The following PRRX2 variants were observed in gnomAD, a reference collection of about 807,000 sequenced individuals.
PRRX2 encodes the protein paired mesoderm homeobox protein 2.
In PRRX2, 11 loss-of-function variants were observed where a neutral mutation model predicts 18.0. That is an observed-to-expected ratio of 0.61 (90% CI 0.39 to 1.01). The LOEUF is 1.01. Among genes scored for constraint, PRRX2 ranks in the 50% least tolerant of loss-of-function variants. The probability of loss-of-function intolerance (pLI) is 0.01; values close to 1 mark genes in which losing one functional copy is unlikely to be tolerated. For missense variants in PRRX2, 387 were observed against 351.0 expected, an observed-to-expected ratio of 1.10 and a Z score of -0.82; for synonymous variants, 177 against 154.8, an observed-to-expected ratio of 1.14 and a Z score of -1.06.
intron 1 of PRRX2, among the ~76,000 whole-genome samples, chr9:129,711,128 C>T (rs939210716): frequency 7.9e-5 from 12 of 152,170 alleles, no homozygotes; most frequent in Non-Finnish European, 2.9e-5. Context: ...CCCAGAATCC[C>T]AGCACCACGA....
chr9:129,702,870 G>C (rs1432213846), intron 1 of PRRX2, among the ~76,000 whole-genome samples: 3 of 152,250 alleles, frequency 2.0e-5, no homozygotes, highest in Admixed American at 6.5e-5. Context: ...TGTGGCAAGG[G>C]GGGCGGGGCA....
At chr9:129,687,574 C>T (rs1160054825) in intron 1 of PRRX2, among the ~76,000 whole-genome samples, 1 of 152,244 alleles carries the variant, frequency 6.6e-6, no homozygotes, top group Non-Finnish European at 1.5e-5. Flanking sequence ...AAGGCTGTGT[C>T]AACAGTGGCG....
At chr9:129,670,412 T>C (rs543074071) in intron 1 of PRRX2, among the ~76,000 whole-genome samples, 1 of 152,314 alleles carries the variant, frequency 6.6e-6, no homozygotes, top group Non-Finnish European at 1.5e-5. Flanking sequence ...TCTTGCTCCA[T>C]TGACCGGGTT....
intron 1 of PRRX2, among the ~76,000 whole-genome samples, chr9:129,674,465 A>C (rs1420827417): frequency 6.6e-6 from 1 of 152,120 alleles, no homozygotes; most frequent in Non-Finnish European, 1.5e-5. Flanking sequence ...TGGAGCAGCC[A>C]AGGAGCTGAG....
chr9:129,722,317 A>G lies in PRRX2; in HGVS notation c.727A>G (p.Ser243Gly). The G allele has an allele frequency of 6.2e-7, 1 of 1,614,026 alleles. No homozygotes were observed. Among genetic ancestry groups the G allele is most frequent in the Non-Finnish European group, 8.5e-7 (1 of 1,180,002 alleles). Residue 243 changes from serine (S) to glycine (G), a missense_variant, in exon 4 of 4, where the codon AGC becomes GGC. Physicochemically the swap from Ser to Gly is moderately conservative, Grantham distance 56 (BLOSUM62 0). Transcript: ENST00000372469. ...ASLRLKAKEF[S>G]LHHSQVPTVN ...CCTCCGTCTCAAGGCCAAGGAGTTC[A>G]GCCTGCACCACAGCCAGGTGCCTAC... is the stretch of plus-strand genomic sequence containing the variant.
rs373267908 is a variant in PRRX2, at chr9:129,714,100, C to T, written c.260-5131C>T. Reference sequence around the variant, plus strand: ...GGTGGATCACCTGAGGTCAGGAGTTCGAGACCAGCCTGGCCAACATGGTGA... The same window carrying T: ...GGTGGATCACCTGAGGTCAGGAGTTTGAGACCAGCCTGGCCAACATGGTGA... On this transcript the variant is annotated intron_variant, in intron 1 of 3. Transcript: ENST00000372469. Among the ~76,000 whole-genome samples, 33 of 151,016 alleles carry T rather than the reference C, an allele frequency of 2.2e-4. 1 individual carries two copies. In the East Asian group the frequency reaches 3.8e-3, roughly 17 times the overall value.
At position 129,719,425 on chromosome 9, in the gene PRRX2, G is replaced by A. The variant is rs921851508; in HGVS notation, c.447+7G>A. On this transcript the variant is annotated splice_region_variant and intron_variant, in intron 2 of 3. Coordinates refer to ENST00000372469, the MANE Select transcript of PRRX2 (RefSeq NM_016307.4). ...CAGCGAGGCGCGCGTTCAGGTGAGC[G>A]CTCAGTCCCGGGCCTCCCGTGGGAG... 1 of 1,517,632 alleles carries A rather than the reference G, an allele frequency of 6.6e-7. No homozygotes were observed. Among genetic ancestry groups the A allele is most frequent in the Non-Finnish European group, 8.8e-7 (1 of 1,131,320 alleles). 94.0% of individuals were successfully genotyped at this position (1,517,632 alleles called of 1,614,324 possible). A position where few individuals can be genotyped will look rare whatever the true frequency, so the allele number is the denominator to read the frequency against.
intron 1 of PRRX2, among the ~76,000 whole-genome samples, chr9:129,682,443 C>T (rs1832244994): frequency 6.6e-6 from 1 of 152,122 alleles, no homozygotes; most frequent in South Asian, 2.1e-4. Flanking sequence ...CAAGGACGCT[C>T]ATCTCCCTAG....
intron 1 of PRRX2, among the ~76,000 whole-genome samples, chr9:129,716,153 T>TC (rs1016671081): frequency 3.3e-5 from 5 of 152,304 alleles, no homozygotes; most frequent in African/African-American, 1.2e-4. Flanking sequence ...CATCTAGCAT[T>TC]CACTCATTGG....
chr9:129,675,321 G>C lies in PRRX2; in HGVS notation c.259+9195G>C, dbSNP rs190497286. On this transcript the variant is annotated intron_variant, in intron 1 of 3. Transcript: ENST00000372469. This position sits in a 1 kb window ranked among gnomAD's most constrained non-coding sequence, Gnocchi z 4.4. ...CTGAGTACCAGCCCAAGGCAGCCCA[G>C]GGGCGTGGAATGCAGGGGTGATGTG... is the stretch of plus-strand genomic sequence containing the variant. Among the ~76,000 whole-genome samples the C allele has an allele frequency of 6.0e-4, 92 of 152,318 alleles. 1 individual carries two copies. Among genetic ancestry groups the C allele is most frequent in the African/African-American group, 2.0e-3 (84 of 41,574 alleles).
intron 1 of PRRX2, among the ~76,000 whole-genome samples, chr9:129,702,521 A>G (rs1832510769): frequency 6.6e-6 from 1 of 152,094 alleles, no homozygotes; most frequent in Non-Finnish European, 1.5e-5. Flanking sequence ...GGCCTGTTCG[A>G]CTGAGGAATG....
intron 1 of PRRX2, among the ~76,000 whole-genome samples, chr9:129,668,329 C>A (rs975686070): frequency 1.3e-5 from 2 of 152,194 alleles, no homozygotes; most frequent in African/African-American, 4.8e-5. Flanking sequence ...GCTGGGCTTG[C>A]CGGGACTGCA....
At chr9:129,698,783 A>G (rs1242942859) in intron 1 of PRRX2, among the ~76,000 whole-genome samples, 2 of 152,170 alleles carry the variant, frequency 1.3e-5, no homozygotes, top group South Asian at 2.1e-4. Flanking sequence ...CACAGGCTCA[A>G]AGTCACAGAG....
At chr9:129,668,095 C>A (rs1454266337) in intron 1 of PRRX2, among the ~76,000 whole-genome samples, 2 of 152,126 alleles carry the variant, frequency 1.3e-5, no homozygotes, top group African/African-American at 2.4e-5. Context: ...CAGGGAGAGT[C>A]CCTGGGCTCC....
chr9:129,715,093 C>A lies in PRRX2; in HGVS notation c.260-4138C>A, dbSNP rs1276506534. Among the ~76,000 whole-genome samples the A allele has an allele frequency of 1.3e-5, 2 of 152,252 alleles. No homozygotes were observed. Among genetic ancestry groups the A allele is most frequent in the East Asian group, 3.9e-4 (2 of 5,182 alleles). ...GAGTGAAGCGGTCCCGGCAATGAGACCAGCTCCACAGGGCCACCACGTGCT... is the reference window on the plus strand; with the variant it reads ...GAGTGAAGCGGTCCCGGCAATGAGAACAGCTCCACAGGGCCACCACGTGCT... On this transcript the variant is annotated intron_variant, in intron 1 of 3. Coordinates refer to ENST00000372469, the MANE Select transcript of PRRX2 (RefSeq NM_016307.4). The surrounding 1 kb of genome is among the most constrained non-coding windows in gnomAD (Gnocchi z 4.0).
At position 129,685,813 on chromosome 9, in the gene PRRX2, G is replaced by A. The variant is rs551804001; in HGVS notation, c.259+19687G>A. Among the ~76,000 whole-genome samples, 14 of 152,310 alleles carry A rather than the reference G, an allele frequency of 9.2e-5. No homozygotes were observed. In the East Asian group the frequency reaches 9.6e-4, roughly 10 times the overall value. On this transcript the variant is annotated intron_variant, in intron 1 of 3. Transcript: ENST00000372469. ...ATCCATGCAGTGTTTACTGAGCACC[G>A]ACAATGTGCCAGGCGCCACTGCTGA...
intron 1 of PRRX2, among the ~76,000 whole-genome samples, chr9:129,667,910 T>C (rs1161346816): frequency 6.6e-6 from 1 of 152,104 alleles, no homozygotes; most frequent in African/African-American, 2.4e-5. Flanking sequence ...CCATGAGGCC[T>C]CCAGGCCTTC....
rs1336753700 is a variant in PRRX2, at chr9:129,675,914, T to C, written c.259+9788T>C. ...GCCAGTGCACCTCCTTTCATTAGAC[T>C]AACAAATAACGCGTAACAGAAAACA... On this transcript the variant is annotated intron_variant, in intron 1 of 3. Transcript: ENST00000372469. This position sits in a 1 kb window ranked among gnomAD's most constrained non-coding sequence, Gnocchi z 4.4. Among the ~76,000 whole-genome samples, 4 of 152,130 alleles carry C rather than the reference T, an allele frequency of 2.6e-5. No individual in the cohort carries two copies. The highest frequency in any genetic ancestry group is 5.9e-5 in the Non-Finnish European group (4 of 68,010).
intron 1 of PRRX2, among the ~76,000 whole-genome samples, chr9:129,673,470 AC>A (rs1374148979): frequency 6.6e-6 from 1 of 152,182 alleles, no homozygotes; most frequent in Non-Finnish European, 1.5e-5. Flanking sequence ...AAATAAAAAA[AC>A]GAAACAAACA....
Sources: gnomAD v4.1 joint callset for allele counts (sites outside exome capture counted in the v4.1 genomes callset) on GRCh38, gnomAD v4.1.1 for gene constraint, Gnocchi (gnomAD v3.1) non-coding constraint, MANE v1.5 for transcripts, NCBI Gene and HGNC (gene_info 2026-07-23, HGNC 2026-07-21) for gene names.